The following FARP2 variants were observed in gnomAD, a reference collection of about 807,000 sequenced individuals.
FARP2 encodes FERM, ARHGEF and pleckstrin domain-containing protein 2.
In FARP2, 111 loss-of-function variants were observed where a neutral mutation model predicts 130.5. The observed-to-expected ratio is 0.85, with a 90% confidence interval of 0.73 to 1.00. The LOEUF is 1.00. Among genes scored for constraint, FARP2 ranks in the 50% least tolerant of loss-of-function variants. The pLI is 0.00. For synonymous variants in FARP2, 504 were observed against 516.9 expected, an observed-to-expected ratio of 0.98 and a Z score of 0.34; for missense variants, 1,385 against 1,346.3, an observed-to-expected ratio of 1.03 and a Z score of -0.45.
intron 8 of FARP2, among the ~76,000 whole-genome samples, chr2:241,420,453 C>A (rs1161902808): frequency 6.6e-6 from 1 of 152,174 alleles, no homozygotes; most frequent in African/African-American, 2.4e-5. Flanking sequence ...GAGAGGGAGA[C>A]TTGCACTGTG....
Position 241,434,219 on chromosome 2 carries a change from G to A in FARP2, c.929G>A (p.Trp310Ter), listed in dbSNP as rs760342483. 2 of 1,613,824 alleles carry A rather than the reference G, an allele frequency of 1.2e-6. No individual in the cohort carries two copies. The highest frequency in any genetic ancestry group is 3.3e-5 in the Admixed American group (2 of 60,002). ...AGTAGAGATGAATGTAAGAACTTCT[G>A]GAAGATTTGTGTGGAGTATCACACC... is the stretch of plus-strand genomic sequence containing the variant. The part of the protein sequence containing the change: ...LGSRDECKNF[W>*]KICVEYHTFF... Residue 310 changes from tryptophan to a stop codon, truncating the protein, a stop_gained, in exon 10 of 27, where the codon TGG becomes TAG. Coordinates refer to ENST00000264042, the MANE Select transcript of FARP2 (RefSeq NM_014808.4). LOFTEE classifies it high-confidence loss of function.
chr2:241,404,844 A>G lies in FARP2; in HGVS notation c.331+3A>G. On this transcript the variant is annotated splice_donor_region_variant and intron_variant, in intron 4 of 26. Transcript: ENST00000264042. ...ACCCATCATTAGGCAAATACGAAGT[A>G]AGTCCTTGGTTTGACTCTTTAAAAT... The G allele has an allele frequency of 6.2e-7, 1 of 1,607,078 alleles. No individual in the cohort carries two copies. Among genetic ancestry groups the G allele is most frequent in the Non-Finnish European group, 8.5e-7 (1 of 1,173,824 alleles).
rs114659476 is a variant in FARP2 at position 241,482,774 on chromosome 2, A to T, written c.2263-691A>T. Reference sequence around the variant, plus strand: ...CCTCCTGTTTGTCTGAAAGGAACAGATGGTGGAAGGGCTCCAGAGCAGTCC... The same window carrying T: ...CCTCCTGTTTGTCTGAAAGGAACAGTTGGTGGAAGGGCTCCAGAGCAGTCC... On this transcript the variant is annotated intron_variant, in intron 19 of 26. Transcript: ENST00000264042. The surrounding 1 kb of genome is among the most constrained non-coding windows in gnomAD (Gnocchi z 4.6). 6.6e-5 allele frequency among the ~76,000 whole-genome samples: 10 copies of T among 152,228 alleles called. No homozygotes were observed. Among genetic ancestry groups the T allele is most frequent in the African/African-American group, 2.4e-4 (10 of 41,544 alleles).
intron 5 of FARP2, 35 bp from the exon 6 acceptor site, chr2:241,410,998 A>C (rs757518761): frequency 5.0e-5 from 68 of 1,371,854 alleles, no homozygotes; most frequent in Non-Finnish European, 6.8e-5. Flanking sequence ...GAACATTTGG[A>C]ATTGATCTCT....
intron 2 of FARP2, among the ~76,000 whole-genome samples, chr2:241,383,304 C>T (rs563063301): frequency 1.2e-4 from 19 of 152,180 alleles, no homozygotes; most frequent in Admixed American, 2.0e-4. Flanking sequence ...AAATAAAGCA[C>T]GGAGGGAGCA....
intron 2 of FARP2, among the ~76,000 whole-genome samples, chr2:241,385,087 C>T (rs1314711934): frequency 2.6e-5 from 4 of 152,102 alleles, no homozygotes; most frequent in East Asian, 1.9e-4. Context: ...AACCATCTTG[C>T]GAGTCTTTCA....
chr2:241,370,077 CAA>C (rs1358203969), intron 1 of FARP2, among the ~76,000 whole-genome samples: 1 of 151,936 alleles, frequency 6.6e-6, no homozygotes, highest in Non-Finnish European at 1.5e-5. Flanking sequence ...TTAATGGGTA[CAA>C]AAATGCAGTA....
chr2:241,458,949 G>A (rs2063940284), intron 14 of FARP2, among the ~76,000 whole-genome samples: 1 of 152,200 alleles, frequency 6.6e-6, no homozygotes, highest in Admixed American at 6.5e-5. Context: ...TTGGTGGCTG[G>A]GTCACTGCAG....
At chr2:241,437,846 T>G (rs2063282079) in intron 12 of FARP2, among the ~76,000 whole-genome samples, 1 of 151,998 alleles carries the variant, frequency 6.6e-6, no homozygotes, top group South Asian at 2.1e-4. Flanking sequence ...TTTGTATTTT[T>G]AGTAGAGACG....
At chr2:241,376,093 G>A (rs575370179) in intron 2 of FARP2, among the ~76,000 whole-genome samples, 1 of 152,246 alleles carries the variant, frequency 6.6e-6, no homozygotes, top group Non-Finnish European at 1.5e-5. Flanking sequence ...GCTCTACTAG[G>A]CTGACTTGGA....
chr2:241,391,451 G>T (rs2061901844), intron 2 of FARP2, among the ~76,000 whole-genome samples: 1 of 152,092 alleles, frequency 6.6e-6, no homozygotes, highest in Non-Finnish European at 1.5e-5. Context: ...GCAGTAATGG[G>T]CGAGTGTTCT....
chr2:241,393,855 A>G (rs1331555936), intron 2 of FARP2, among the ~76,000 whole-genome samples: 1 of 152,248 alleles, frequency 6.6e-6, no homozygotes, highest in African/African-American at 2.4e-5. Context: ...CCTTAACACC[A>G]TGACCAACTA....
At chr2:241,397,295 T>G (rs924568498) in intron 2 of FARP2, among the ~76,000 whole-genome samples, 2 of 152,120 alleles carry the variant, frequency 1.3e-5, no homozygotes, top group Admixed American at 6.5e-5. Context: ...GTAACTAACC[T>G]GCACATTGTG....
chr2:241,373,029 A>T, intron 1 of FARP2, 55 bp from the exon 2 acceptor site: 1 of 983,746 alleles, frequency 1.0e-6, no homozygotes, highest in Non-Finnish European at 1.4e-6. Context: ...ACCTTGTTTT[A>T]GTACCTAAAT....
intron 2 of FARP2, among the ~76,000 whole-genome samples, chr2:241,373,543 A>C (rs952057838): frequency 6.6e-5 from 10 of 152,326 alleles, no homozygotes; most frequent in African/African-American, 2.4e-4. Context: ...GAGGCTGGCT[A>C]AGAGACTGCT....
chr2:241,448,107 A>G (rs2063553652), intron 13 of FARP2, among the ~76,000 whole-genome samples: 1 of 152,136 alleles, frequency 6.6e-6, no homozygotes, highest in Non-Finnish European at 1.5e-5. Context: ...GAACAAACTC[A>G]TGGGTCTCCT....
At chr2:241,386,562 AAG>A (rs1179191368) in intron 2 of FARP2, among the ~76,000 whole-genome samples, 5 of 152,212 alleles carry the variant, frequency 3.3e-5, no homozygotes, top group African/African-American at 1.2e-4. Context: ...GTCAAAGGGA[AAG>A]GGGAGGTTTG....
intron 12 of FARP2, among the ~76,000 whole-genome samples, 179 bp downstream of exon 12, chr2:241,436,717 G>A (rs2063239210): frequency 6.6e-6 from 1 of 152,216 alleles, no homozygotes; most frequent in African/African-American, 2.4e-5. Flanking sequence ...CAGGGCAGTG[G>A]CCCATGCCTG....
intron 2 of FARP2, among the ~76,000 whole-genome samples, chr2:241,401,145 G>A (rs542855258): frequency 1.1e-3 from 171 of 152,202 alleles, no homozygotes; most frequent in African/African-American, 3.9e-3. Flanking sequence ...CTTTCATTCC[G>A]TATGCTGCTT....
Sources: gnomAD v4.1 joint callset for allele counts (sites outside exome capture counted in the v4.1 genomes callset) on GRCh38, gnomAD v4.1.1 for gene constraint, Gnocchi (gnomAD v3.1) non-coding constraint, MANE v1.5 for transcripts, NCBI Gene and HGNC (gene_info 2026-07-23, HGNC 2026-07-21) for gene names.